CPQ: variants seen among roughly 807,000 people sequenced by gnomAD.
CPQ encodes the protein Ser-Met dipeptidase.
A neutral mutation model predicts 45.7 loss-of-function variants in CPQ; 37 were observed. The ratio of observed to expected loss-of-function variants is 0.81; its 90% confidence interval spans 0.62 to 1.07. The LOEUF is 1.07. Ranked by LOEUF, CPQ falls within the 50% of genes least tolerant of loss-of-function variation. The pLI is 0.00. For synonymous variants in CPQ, 186 were observed against 205.8 expected, an observed-to-expected ratio of 0.90 and a Z score of 0.82; for missense variants, 537 against 572.9, an observed-to-expected ratio of 0.94 and a Z score of 0.64.
chr8:97,139,712 G>A (rs961677427), intron 7 of CPQ, among the ~76,000 whole-genome samples: 2 of 152,016 alleles, frequency 1.3e-5, no homozygotes, highest in African/African-American at 4.8e-5. Flanking sequence ...CTACTAATGG[G>A]AACTGGTGAG....
At chr8:96,853,783 C>T (rs1489012253) in intron 3 of CPQ, among the ~76,000 whole-genome samples, 1 of 152,078 alleles carries the variant, frequency 6.6e-6, no homozygotes, top group South Asian at 2.1e-4. Context: ...GTGTACACTC[C>T]ACATACTTTT....
intron 5 of CPQ, among the ~76,000 whole-genome samples, chr8:96,975,706 T>C (rs1431213197): frequency 6.6e-6 from 1 of 152,088 alleles, no homozygotes; most frequent in Non-Finnish European, 1.5e-5. Flanking sequence ...AGTCAATAAA[T>C]ATGATACATC....
chr8:96,748,063 G>C (rs1446500062), intron 1 of CPQ, among the ~76,000 whole-genome samples: 1 of 152,204 alleles, frequency 6.6e-6, no homozygotes, highest in East Asian at 1.9e-4. Flanking sequence ...AGCATGTGAT[G>C]ACAATATACT....
intron 7 of CPQ, among the ~76,000 whole-genome samples, chr8:97,128,085 C>A (rs1811876852): frequency 6.6e-6 from 1 of 152,160 alleles, no homozygotes; most frequent in South Asian, 2.1e-4. Context: ...CTATTCTATT[C>A]AAATTTTGCA....
At chr8:96,830,128 A>G (rs1176152852) in intron 2 of CPQ, among the ~76,000 whole-genome samples, 3 of 152,154 alleles carry the variant, frequency 2.0e-5, no homozygotes, top group African/African-American at 7.2e-5. Flanking sequence ...ATTATGTGAT[A>G]AGAGTAGAAA....
chr8:96,883,287 A>T (rs1812254113), intron 4 of CPQ, among the ~76,000 whole-genome samples: 1 of 152,100 alleles, frequency 6.6e-6, no homozygotes, highest in Non-Finnish European at 1.5e-5. Context: ...CTTCTGAGTA[A>T]ATATCTTGGA....
At chr8:96,786,805 G>A (rs746333869) in intron 2 of CPQ, among the ~76,000 whole-genome samples, 1 of 151,950 alleles carries the variant, frequency 6.6e-6, no homozygotes. Context: ...GTTCTTACTC[G>A]CCATTTGTTT....
intron 6 of CPQ, among the ~76,000 whole-genome samples, chr8:97,041,259 G>T (rs1810118387): frequency 6.6e-6 from 1 of 152,124 alleles, no homozygotes; most frequent in Non-Finnish European, 1.5e-5. Context: ...GTGAATGGGA[G>T]TTCACTCATG....
At chr8:97,001,260 G>A (rs180933809) in intron 5 of CPQ, among the ~76,000 whole-genome samples, 30 of 152,214 alleles carry the variant, frequency 2.0e-4, no homozygotes, top group African/African-American at 7.2e-4. Context: ...GCCCTGGCCT[G>A]AGCTTCCAAT....
Position 96,920,494 on chromosome 8 carries a change from C to T in CPQ, c.849+40489C>T, listed in dbSNP as rs1534793. Among the ~76,000 whole-genome samples, 1,432 of 152,124 alleles carry T rather than the reference C, an allele frequency of 9.4e-3. 11 individuals are homozygous for T. The highest frequency in any genetic ancestry group is 0.033 in the African/African-American group (1,363 of 41,492). The stretch of plus-strand genomic sequence containing the variant: ...TCTGCCATTGTGCTAATTAGTCAGC[C>T]GATCAGCCTTCAGCATTGTTTCAAT... On this transcript the variant is annotated intron_variant, in intron 4 of 7. Coordinates refer to ENST00000220763, the MANE Select transcript of CPQ (RefSeq NM_016134.4).
intron 1 of CPQ, among the ~76,000 whole-genome samples, chr8:96,760,001 C>T (rs1402907229): frequency 6.6e-6 from 1 of 152,164 alleles, no homozygotes; most frequent in African/African-American, 2.4e-5. Context: ...CCTAGTATAC[C>T]TAGGACTATA....
At chr8:96,962,043 C>CA (rs1368402000) in intron 4 of CPQ, among the ~76,000 whole-genome samples, 1 of 152,202 alleles carries the variant, frequency 6.6e-6, no homozygotes. Context: ...CTCAGACCTA[C>CA]AGCTGGCCTG....
rs1033259426 is a variant in CPQ, at chr8:97,124,518, T to C, written c.1256-18502T>C. ...ATGGGGTATTCACCATGATAGACTA[T>C]ATGCTGGGTTATAAAAGCTTCTCAA... On this transcript the variant is annotated intron_variant, in intron 7 of 7. Transcript: ENST00000220763. 1.4e-4 allele frequency among the ~76,000 whole-genome samples: 21 copies of C among 152,214 alleles called. No homozygotes were observed. The East Asian group carries it at 1.5e-3, about 11-fold the overall frequency.
chr8:97,066,405 T>G (rs1810637101), intron 7 of CPQ, among the ~76,000 whole-genome samples, 195 bp downstream of exon 7: 1 of 152,216 alleles, frequency 6.6e-6, no homozygotes, highest in Admixed American at 6.5e-5. Flanking sequence ...TACCCATCTG[T>G]ATCCCTCCAC....
chr8:97,035,789 C>G (rs1290261287), intron 6 of CPQ, among the ~76,000 whole-genome samples: 1 of 152,062 alleles, frequency 6.6e-6, no homozygotes, highest in Non-Finnish European at 1.5e-5. Context: ...CTCACTGCAA[C>G]CTCCGCCTCC....
At chr8:96,921,556 C>T (rs552247021) in intron 4 of CPQ, among the ~76,000 whole-genome samples, 20 of 152,222 alleles carry the variant, frequency 1.3e-4, no homozygotes, top group African/African-American at 3.6e-4. Flanking sequence ...TTTTGAGCCC[C>T]GAGTTTGGAT....
At chr8:97,108,838 G>A (rs541125700) in intron 7 of CPQ, among the ~76,000 whole-genome samples, 79 of 152,204 alleles carry the variant, frequency 5.2e-4, no homozygotes, top group Non-Finnish European at 1.0e-3. Flanking sequence ...AGAGAAGCTT[G>A]TTGAGTGAGG....
chr8:96,669,136 A>G (rs1168635398), intron 1 of CPQ, among the ~76,000 whole-genome samples: 1 of 152,198 alleles, frequency 6.6e-6, no homozygotes, highest in African/African-American at 2.4e-5. Flanking sequence ...CCCATCAACC[A>G]GTAATGAGCC....
chr8:96,999,475 G>A (rs1245779564), intron 5 of CPQ, among the ~76,000 whole-genome samples: 1 of 151,898 alleles, frequency 6.6e-6, no homozygotes, highest in African/African-American at 2.4e-5. Context: ...CCACTTATAA[G>A]TGAGAAGATG....
Sources: gnomAD v4.1 joint callset for allele counts (sites outside exome capture counted in the v4.1 genomes callset) on GRCh38, gnomAD v4.1.1 for gene constraint, MANE v1.5 for transcripts, NCBI Gene and HGNC (gene_info 2026-07-23, HGNC 2026-07-21) for gene names.